The following EMX1 variants were observed in gnomAD, a reference collection of about 807,000 sequenced individuals.
EMX1 encodes empty spiracles homeobox 1, also known as homeobox protein EMX1.
EMX1 carries 10 observed loss-of-function variants against 20.1 expected under a neutral mutation model. The observed-to-expected ratio is 0.50, with a 90% CI of 0.31 to 0.84. The LOEUF (loss-of-function observed/expected upper bound fraction) is 0.84. Ranked by LOEUF, EMX1 falls within the 40% of genes least tolerant of loss-of-function variation. The pLI, the probability that EMX1 is intolerant of heterozygous loss-of-function variation, is 0.05. For missense variants in EMX1, 424 were observed against 431.9 expected (o/e 0.98, Z 0.16); for synonymous variants, 250 against 200.4 (o/e 1.25, Z -2.09).
chr2:72,920,106 C>A (rs1436394077), intron 1 of EMX1, among the ~76,000 whole-genome samples: 1 of 152,196 alleles, frequency 6.6e-6, no homozygotes, highest in East Asian at 1.9e-4. Flanking sequence ...AGTCGGCATC[C>A]TGGGCCGCAC....
At position 72,918,263 on chromosome 2, in the gene EMX1, C is replaced by G. The variant is rs768573057; in HGVS notation, c.411C>G (p.Gly137=). Residue 137 remains glycine (G), a synonymous_variant, in exon 1 of 3, where the codon GGC becomes GGG. Transcript: ENST00000258106. ...CCGTGCATCCGGCGCACCAGCTGGG[C>G]GCCTCCCCGCTGCAGCCCCCGCACT... ...ALTVHPAHQL[G]ASPLQPPHSF... is the part of the protein sequence containing the mutation. 6.3e-7 allele frequency: 1 copy of G among 1,577,460 alleles called. No individual in the cohort carries two copies. The highest frequency in any genetic ancestry group is 8.5e-7 in the Non-Finnish European group (1 of 1,172,402).
intron 2 of EMX1, 143 bp from the exon 3 acceptor site, chr2:72,933,644 G>A (rs1244751791): frequency 8.1e-6 from 8 of 986,624 alleles, no homozygotes; most frequent in Middle Eastern, 6.6e-4. Flanking sequence ...GCTGGTCAGA[G>A]GGGACCCCGG....
intron 1 of EMX1, among the ~76,000 whole-genome samples, chr2:72,919,179 C>CGACACA (rs1559057463): frequency 1.1e-5 from 1 of 91,642 alleles, no homozygotes; most frequent in African/African-American, 5.7e-5. Context: ...TCCACTGGCC[C>CGACACA]TACACACACA....
In EMX1 at chr2:72,924,548, G is replaced by C. The variant is rs555210318; in HGVS notation, c.705+55G>C. On this transcript the variant is annotated intron_variant, in intron 2 of 2. Coordinates refer to ENST00000258106, the MANE Select transcript of EMX1 (RefSeq NM_004097.3). The stretch of plus-strand genomic sequence containing the variant: ...CGCCCGGAGCCCGGGTGGAGGTGAG[G>C]GTGCGCGGGTGCAGGAGAGGCCCTG... The C allele has an allele frequency of 1.6e-5, 24 of 1,485,976 alleles. No homozygotes were observed. The South Asian group carries it at 3.1e-4, about 19-fold the overall frequency. The allele number at this position is 1,485,976 out of a possible 1,614,324, so 92.0% of individuals were successfully genotyped here. A position where few individuals can be genotyped will look rare whatever the true frequency, so the allele number is the denominator to read the frequency against.
intron 2 of EMX1, among the ~76,000 whole-genome samples, chr2:72,926,974 C>T (rs545455870): frequency 3.9e-5 from 6 of 152,182 alleles, no homozygotes; most frequent in Non-Finnish European, 5.9e-5. Flanking sequence ...AAGCATCAGT[C>T]ACCCCCAACA....
chr2:72,918,109 C>G lies in EMX1; in HGVS notation c.257C>G (p.Pro86Arg). ...CTCCGGCCCACGGCGCTCAACTACCCTCACCCCAGCGCGGCCGAGGCGGCC... is the reference window on the plus strand; with the variant it reads ...CTCCGGCCCACGGCGCTCAACTACCGTCACCCCAGCGCGGCCGAGGCGGCC... ...EPLRPTALNY[P>R]HPSAAEAAFV... The change falls in exon 1 of 3, where the codon CCT becomes CGT. Residue 86 changes from proline to arginine, a missense_variant. Around this residue, in one of 2 missense-constraint regions of EMX1, gnomAD observed 333 missense variants for 296.6 expected, o/e 1.12. Transcript: ENST00000258106. The G allele has an allele frequency of 2.0e-6, 3 of 1,476,482 alleles. No individual in the cohort carries two copies. Among genetic ancestry groups the G allele is most frequent in the Non-Finnish European group, 2.7e-6 (3 of 1,124,286 alleles). 91.5% of individuals were successfully genotyped at this position (1,476,482 alleles called of 1,614,324 possible).
rs771309643 is a variant in EMX1, at chr2:72,918,257, G to A, written c.405G>A (p.Gln135=). Residue 135 remains glutamine (Q), a synonymous_variant, in exon 1 of 3, where the codon CAG becomes CAA. Coordinates refer to ENST00000258106, the MANE Select transcript of EMX1 (RefSeq NM_004097.3). Reference sequence around the variant, plus strand: ...CGCTGACCGTGCATCCGGCGCACCAGCTGGGCGCCTCCCCGCTGCAGCCCC... The same window carrying A: ...CGCTGACCGTGCATCCGGCGCACCAACTGGGCGCCTCCCCGCTGCAGCCCC... ...HPALTVHPAH[Q]LGASPLQPPH... The A allele has an allele frequency of 2.5e-6, 4 of 1,578,168 alleles. No homozygotes were observed. Among genetic ancestry groups the A allele is most frequent in the Admixed American group, 1.7e-5 (1 of 57,250 alleles).
At chr2:72,922,137 A>G (rs1671113936) in intron 1 of EMX1, among the ~76,000 whole-genome samples, 2 of 152,208 alleles carry the variant, frequency 1.3e-5, no homozygotes, top group Non-Finnish European at 2.9e-5. Flanking sequence ...AAACCCTGCC[A>G]ATGCTGGGAT....
chr2:72,924,218 G>A, intron 1 of EMX1, 91 bp from the exon 2 acceptor site: 1 of 1,485,998 alleles, frequency 6.7e-7, no homozygotes, highest in South Asian at 1.2e-5. Flanking sequence ...TGGGAGCAGG[G>A]CGCGAGGCCA....
At chr2:72,922,281 C>T (rs1671116669) in intron 1 of EMX1, among the ~76,000 whole-genome samples, 1 of 152,198 alleles carries the variant, frequency 6.6e-6, no homozygotes, top group African/African-American at 2.4e-5. Context: ...TGCTTTCCAC[C>T]CACCTTTCCC....
At chr2:72,926,197 T>A in intron 2 of EMX1, 1 of 985,432 alleles carries the variant, frequency 1.0e-6, no homozygotes, top group Non-Finnish European at 1.2e-6. Context: ...TTTTAAACTT[T>A]CAATTTTTTA....
intron 1 of EMX1, among the ~76,000 whole-genome samples, chr2:72,922,108 C>G (rs1671113572): frequency 6.6e-6 from 1 of 152,234 alleles, no homozygotes; most frequent in African/African-American, 2.4e-5. Context: ...CAACCTGGGC[C>G]AGCCCAGCAT....
Position 72,930,719 on chromosome 2 carries a change from C to T in EMX1, c.706-3068C>T, listed in dbSNP as rs1671267125. ...TCTAGGGAAGGGGCTCTGAAGGATC[C>T]AGAGTTGCCTGGCTGGGTTGGAGAG... is the stretch of plus-strand genomic sequence containing the variant. On this transcript the variant is annotated intron_variant, in intron 2 of 2. Coordinates refer to ENST00000258106, the MANE Select transcript of EMX1 (RefSeq NM_004097.3). This position sits in a 1 kb window ranked among gnomAD's most constrained non-coding sequence, Gnocchi z 4.4. Among the ~76,000 whole-genome samples the T allele has an allele frequency of 1.3e-5, 2 of 152,164 alleles. No individual in the cohort carries two copies. Among genetic ancestry groups the T allele is most frequent in the African/African-American group, 2.4e-5 (1 of 41,420 alleles).
chr2:72,931,243 CCTT>C (rs1184827002), intron 2 of EMX1, among the ~76,000 whole-genome samples: 1 of 152,238 alleles, frequency 6.6e-6, no homozygotes, highest in East Asian at 1.9e-4. Flanking sequence ...CCAAAGCTTT[CCTT>C]CTTTGAGCCA....
chr2:72,917,018 G>A (rs752470307), upstream of EMX1: 1 of 693,100 alleles, frequency 1.4e-6, no homozygotes, highest in South Asian at 1.6e-5. Context: ...CGAAACCTCA[G>A]GAACAAGGTC....
At chr2:72,926,419 TTCCCG>T in intron 2 of EMX1, 1 of 570,740 alleles carries the variant, frequency 1.8e-6, no homozygotes. Context: ...GCTAATCTTC[TTCCCG>T]TCTGTAAATG....
In EMX1 at chr2:72,917,901, G is replaced by A; in HGVS notation, c.49G>A (p.Gly17Arg). Residue 17 changes from glycine (G) to arginine (R), a missense_variant, in exon 1 of 3, where the codon GGA (glycine) becomes AGA (arginine). Gly to Arg is a moderately radical substitution (Grantham distance 125, BLOSUM62 -2). This residue lies in a region of EMX1 where 333 missense variants were observed against 296.6 expected (regional missense o/e 1.12). Coordinates refer to ENST00000258106, the MANE Select transcript of EMX1 (RefSeq NM_004097.3). ...CCGCAAGGCGGCGGCGCCAGGACGCGGAGCGCTCCCCAGAGCCCGGCTGCC... is the reference window on the plus strand; with the variant it reads ...CCGCAAGGCGGCGGCGCCAGGACGCAGAGCGCTCCCCAGAGCCCGGCTGCC... Reference protein sequence around the residue: ...TPRKAAAPGRGALPRARLPRT... With the variant: ...TPRKAAAPGRRALPRARLPRT... 6.8e-7 allele frequency: 1 copy of A among 1,481,300 alleles called. No individual in the cohort carries two copies. Among genetic ancestry groups the A allele is most frequent in the Non-Finnish European group, 8.9e-7 (1 of 1,123,602 alleles). 91.8% of individuals were successfully genotyped at this position (1,481,300 alleles called of 1,614,324 possible).
At position 72,918,281 on chromosome 2, in the gene EMX1, C is replaced by G. The variant is rs750049034; in HGVS notation, c.429C>G (p.Pro143=). ...AHQLGASPLQ[P]PHSFFGAQHR... is the part of the protein sequence containing the mutation. ...AGCTGGGCGCCTCCCCGCTGCAGCC[C>G]CCGCACTCCTTCTTCGGCGCCCAGC... The change falls in exon 1 of 3, where the codon CCC becomes CCG. Residue 143 remains proline (P), a synonymous_variant. Coordinates refer to ENST00000258106, the MANE Select transcript of EMX1 (RefSeq NM_004097.3). 161 of 1,576,352 alleles carry G rather than the reference C, an allele frequency of 1.0e-4. No individual in the cohort carries two copies. Among genetic ancestry groups the G allele is most frequent in the Non-Finnish European group, 1.3e-4 (151 of 1,171,938 alleles).
intron 2 of EMX1, 68 bp downstream of exon 2, chr2:72,924,561 A>C: frequency 3.4e-6 from 5 of 1,466,512 alleles, no homozygotes; most frequent in South Asian, 1.4e-5. Context: ...GCGCGGGTGC[A>C]GGAGAGGCCC....
Sources: gnomAD v4.1 joint callset for allele counts (sites outside exome capture counted in the v4.1 genomes callset) on GRCh38, gnomAD v4.1.1 for gene constraint, gnomAD v4.1.1 regional missense constraint, Gnocchi (gnomAD v3.1) non-coding constraint, MANE v1.5 for transcripts, NCBI Gene and HGNC (gene_info 2026-07-23, HGNC 2026-07-21) for gene names.